Variants in THSD7A observed in about 807,000 individuals in gnomAD.
THSD7A encodes the protein thrombospondin type-1 domain-containing protein 7A.
A neutral mutation model predicts 231.3 loss-of-function variants in THSD7A; 96 were observed. The observed-to-expected ratio is 0.41, with a 90% CI of 0.35 to 0.49. The LOEUF is 0.49. THSD7A is among the 20% of genes least tolerant of loss of function. The pLI, the probability that THSD7A is intolerant of heterozygous loss-of-function variation, is 0.05. For missense variants in THSD7A, 2,290 were observed against 2,070.2 expected, an observed-to-expected ratio of 1.11 and a Z score of -2.06; for synonymous variants, 940 against 743.3, an observed-to-expected ratio of 1.26 and a Z score of -4.30.
chr7:11,698,893 A>G (rs1226481792), intron 1 of THSD7A, among the ~76,000 whole-genome samples: 1 of 151,312 alleles, frequency 6.6e-6, no homozygotes, highest in Admixed American at 6.6e-5. Context: ...GCTGTGTAGC[A>G]TAACTTTATT....
intron 7 of THSD7A, among the ~76,000 whole-genome samples, chr7:11,478,083 G>GTT (rs1028543775): frequency 2.6e-5 from 4 of 152,036 alleles, no homozygotes; most frequent in African/African-American, 9.7e-5. Context: ...CTCTCACTAT[G>GTT]TTAAATACAT....
intron 23 of THSD7A, among the ~76,000 whole-genome samples, chr7:11,390,701 G>A (rs551612847): frequency 4.6e-5 from 7 of 152,288 alleles, no homozygotes; most frequent in African/African-American, 9.6e-5. Context: ...CAGCCCTTTC[G>A]AGCTAGTTTC....
At chr7:11,676,955 G>T (rs147791799) in intron 1 of THSD7A, among the ~76,000 whole-genome samples, 1 of 151,896 alleles carries the variant, frequency 6.6e-6, no homozygotes, top group East Asian at 1.9e-4. Flanking sequence ...ACAACCCCAA[G>T]ACATAATCGT....
At chr7:11,794,580 A>C (rs1379207228) in intron 1 of THSD7A, among the ~76,000 whole-genome samples, 1 of 151,984 alleles carries the variant, frequency 6.6e-6, no homozygotes, top group African/African-American at 2.4e-5. Context: ...CACAGCGTGA[A>C]GCAGAAAGCG....
chr7:11,825,317 G>T (rs114637715), intron 1 of THSD7A, among the ~76,000 whole-genome samples: 1,721 of 152,192 alleles, frequency 0.011, 27 homozygotes, highest in African/African-American at 0.039. Flanking sequence ...CAGAGCCAGA[G>T]AATTGATCTA....
chr7:11,814,877 C>A lies in THSD7A; in HGVS notation c.190+16880G>T, dbSNP rs1185259470. ...TGATTGGATCTTCTGATCTTTGCTG[C>A]ATTTCTGTGATTATCTGTGCCAGCT... On this transcript the variant is annotated intron_variant, in intron 1 of 27. Transcript: ENST00000423059. The surrounding 1 kb of genome is among the most constrained non-coding windows in gnomAD (Gnocchi z 5.1). Among the ~76,000 whole-genome samples the A allele has an allele frequency of 6.6e-6, 1 of 152,014 alleles. No individual in the cohort carries two copies. Among genetic ancestry groups the A allele is most frequent in the Non-Finnish European group, 1.5e-5 (1 of 68,000 alleles).
chr7:11,557,005 C>T (rs926618239), intron 4 of THSD7A, among the ~76,000 whole-genome samples: 1 of 152,040 alleles, frequency 6.6e-6, no homozygotes, highest in Non-Finnish European at 1.5e-5. Flanking sequence ...CTTCTTACAA[C>T]ATATGAGAAG....
chr7:11,636,959 G>A lies in THSD7A; in HGVS notation c.193C>T (p.Pro65Ser), dbSNP rs1781889200. ...APTLYLWKTG[P>S]WGRCMGDECG... ...TCATCTCCCATACATCGGCCCCATG[G>A]ACCTACAAAAATTATAACACAAAAA... The change falls in exon 2 of 28, where the codon CCA becomes TCA. Residue 65 changes from proline to serine, a missense_variant and splice_region_variant. Coordinates refer to ENST00000423059, the MANE Select transcript of THSD7A (RefSeq NM_015204.3). The surrounding 1 kb of genome is among the most constrained non-coding windows in gnomAD (Gnocchi z 10.0). 12 of 1,596,438 alleles carry A rather than the reference G, an allele frequency of 7.5e-6. No homozygotes were observed. Among genetic ancestry groups the A allele is most frequent in the Non-Finnish European group, 1.0e-5 (12 of 1,172,976 alleles).
At chr7:11,445,918 T>G in intron 13 of THSD7A, 143 bp downstream of exon 13, 2 of 996,830 alleles carry the variant, frequency 2.0e-6, no homozygotes, top group Non-Finnish European at 3.0e-6. Flanking sequence ...TACATATAAA[T>G]GATATATGTA....
At chr7:11,554,099 A>G (rs1386495256) in intron 4 of THSD7A, among the ~76,000 whole-genome samples, 1 of 152,078 alleles carries the variant, frequency 6.6e-6, no homozygotes, top group Non-Finnish European at 1.5e-5. Flanking sequence ...TTACAGCCAG[A>G]ATATTGATAT....
chr7:11,660,412 C>A (rs890680168), intron 1 of THSD7A, among the ~76,000 whole-genome samples: 4 of 151,294 alleles, frequency 2.6e-5, no homozygotes, highest in African/African-American at 9.7e-5. Flanking sequence ...CTAAGATAAA[C>A]ATTACAAACA....
chr7:11,579,643 C>T (rs1348546528), intron 4 of THSD7A, among the ~76,000 whole-genome samples: 1 of 152,106 alleles, frequency 6.6e-6, no homozygotes, highest in Non-Finnish European at 1.5e-5. Context: ...CTATCCTTCC[C>T]TAATTTCCCA....
At chr7:11,699,833 T>C (rs1400404097) in intron 1 of THSD7A, among the ~76,000 whole-genome samples, 1 of 151,164 alleles carries the variant, frequency 6.6e-6, no homozygotes, top group Non-Finnish European at 1.5e-5. Flanking sequence ...GAGTGTGCTA[T>C]AAAGCGACTA....
In THSD7A at chr7:11,590,494, G is replaced by C. The variant is rs768698747; in HGVS notation, c.1419C>G (p.Leu473=). The change falls in exon 4 of 28, where the codon CTC becomes CTG. Residue 473 remains leucine (L), a synonymous_variant. Transcript: ENST00000423059. The surrounding 1 kb of genome is among the most constrained non-coding windows in gnomAD (Gnocchi z 4.4). ...EVYCVQANEN[L]LSQLSTHKNK... The stretch of plus-strand genomic sequence containing the variant: ...TCTTGTGGGTACTTAATTGTGAGAG[G>C]AGGTTTTCGTTGGCCTGCACGCAGT... 102 of 1,612,916 alleles carry C rather than the reference G, an allele frequency of 6.3e-5. No individual in the cohort carries two copies. The highest frequency in any genetic ancestry group is 1.8e-4 in the Admixed American group (11 of 59,730).
intron 1 of THSD7A, among the ~76,000 whole-genome samples, chr7:11,670,398 C>T (rs564770818): frequency 9.9e-5 from 15 of 152,194 alleles, no homozygotes; most frequent in Non-Finnish European, 1.5e-4. Context: ...AGGCATTTGG[C>T]ATCACACAAT....
chr7:11,780,618 T>G (rs140015026), intron 1 of THSD7A, among the ~76,000 whole-genome samples: 47 of 152,260 alleles, frequency 3.1e-4, no homozygotes, highest in African/African-American at 1.1e-3. Context: ...CCATCTAGGC[T>G]CTTGACTGCA....
At chr7:11,669,115 G>A (rs1173809699) in intron 1 of THSD7A, among the ~76,000 whole-genome samples, 3 of 152,052 alleles carry the variant, frequency 2.0e-5, no homozygotes, top group Non-Finnish European at 4.4e-5. Flanking sequence ...CTCTGCTATA[G>A]AAATGCCCCA....
intron 6 of THSD7A, among the ~76,000 whole-genome samples, chr7:11,522,267 T>C (rs974675749): frequency 1.2e-4 from 18 of 152,252 alleles, no homozygotes; most frequent in Admixed American, 6.5e-4. Context: ...TTCCCCCATT[T>C]CCCTGTAACA....
At chr7:11,611,840 G>GTCTATCTA (rs570012898) in intron 2 of THSD7A, among the ~76,000 whole-genome samples, 4,957 of 139,458 alleles carry the variant, frequency 0.036, 124 homozygotes, top group East Asian at 0.067. Flanking sequence ...ACTATCATCT[G>GTCTATCTA]TCTATCTATC....
Sources: allele counts gnomAD v4.1 joint callset (sites outside exome capture counted in the v4.1 genomes callset), GRCh38; gene constraint gnomAD v4.1.1; non-coding constraint Gnocchi (gnomAD v3.1); transcripts MANE v1.5; gene names NCBI Gene and HGNC (gene_info 2026-07-23, HGNC 2026-07-21).